Variants in GPC6 observed in about 807,000 individuals in gnomAD.
GPC6 encodes glypican-6.
In GPC6, 14 loss-of-function variants were observed where a neutral mutation model predicts 55.2. That is an observed-to-expected ratio of 0.25 (90% confidence interval 0.17 to 0.40). The LOEUF (loss-of-function observed/expected upper bound fraction) is 0.40. GPC6 is among the 10% of genes least tolerant of loss of function. The probability of loss-of-function intolerance (pLI) is 1.00; values close to 1 mark genes in which losing one functional copy is unlikely to be tolerated. For missense variants in GPC6, 641 were observed against 708.5 expected (o/e 0.90, Z 1.08); for synonymous variants, 278 against 259.6 (o/e 1.07, Z -0.68).
At chr13:94,282,931 C>T (rs1053269169) in intron 4 of GPC6, among the ~76,000 whole-genome samples, 1 of 152,184 alleles carries the variant, frequency 6.6e-6, no homozygotes, top group African/African-American at 2.4e-5. Flanking sequence ...AAAAGAGTGT[C>T]GAAGATATTG....
intron 2 of GPC6, among the ~76,000 whole-genome samples, chr13:93,676,126 AATATATATATATATATAT>A (rs764101821): frequency 0.019 from 295 of 15,576 alleles, 7 homozygotes; most frequent in African/African-American, 0.033. Flanking sequence ...AAAAAAAAAA[AATATATATATATATATAT>A]ATATATATAT....
chr13:93,898,522 C>T (rs984418693), intron 3 of GPC6, among the ~76,000 whole-genome samples: 7 of 152,188 alleles, frequency 4.6e-5, no homozygotes, highest in African/African-American at 1.7e-4. Context: ...TAGTCCTGTA[C>T]CTAAGCAGAT....
At chr13:93,433,048 ATGTT>A (rs1018146699) in intron 1 of GPC6, among the ~76,000 whole-genome samples, 10 of 152,274 alleles carry the variant, frequency 6.6e-5, no homozygotes, top group Non-Finnish European at 1.5e-4. Flanking sequence ...ACTTAGAAAA[ATGTT>A]TGTGTTTCTA....
chr13:93,634,323 G>A (rs1024242554), intron 2 of GPC6, among the ~76,000 whole-genome samples: 10 of 152,102 alleles, frequency 6.6e-5, no homozygotes, highest in African/African-American at 2.2e-4. Context: ...CCTCCTGCCT[G>A]TCCTCAACTG....
chr13:93,813,246 G>A (rs71429540), intron 2 of GPC6, among the ~76,000 whole-genome samples: 1,971 of 152,154 alleles, frequency 0.013, 23 homozygotes, highest in Non-Finnish European at 0.021. Flanking sequence ...TGAAACCCCC[G>A]TCTCTACTAA....
chr13:93,358,998 T>C (rs1880953115), intron 1 of GPC6, among the ~76,000 whole-genome samples: 1 of 151,644 alleles, frequency 6.6e-6, no homozygotes, highest in Non-Finnish European at 1.5e-5. Flanking sequence ...TGTTTTTTTT[T>C]TCACTTTTTG....
intron 2 of GPC6, among the ~76,000 whole-genome samples, chr13:93,564,539 C>T (rs936372855): frequency 6.6e-5 from 10 of 152,142 alleles, no homozygotes; most frequent in Admixed American, 1.3e-4. Flanking sequence ...ATTTACAAGA[C>T]GCTAGAAGCA....
chr13:93,254,132 G>C (rs969835564), intron 1 of GPC6, among the ~76,000 whole-genome samples: 1 of 152,094 alleles, frequency 6.6e-6, no homozygotes, highest in East Asian at 1.9e-4. Flanking sequence ...AGACTGGCTT[G>C]GGCAACATGG....
intron 4 of GPC6, among the ~76,000 whole-genome samples, chr13:94,192,360 A>T (rs750608082): frequency 1.8e-4 from 27 of 152,248 alleles, no homozygotes; most frequent in Non-Finnish European, 3.1e-4. Context: ...AGGTCTTCCT[A>T]AAAGCACCAT....
At chr13:93,544,255 C>T (rs1055043163) in intron 1 of GPC6, among the ~76,000 whole-genome samples, 3 of 152,082 alleles carry the variant, frequency 2.0e-5, no homozygotes, top group African/African-American at 7.2e-5. Context: ...TTAAACTACA[C>T]GAAGAATCAT....
chr13:93,220,592 AT>A, the GPC6 span, among the ~76,000 whole-genome samples: 1 of 152,192 alleles, frequency 6.6e-6, no homozygotes, highest in South Asian at 2.1e-4. Flanking sequence ...AAATAATGGC[AT>A]TGTCAAACGC....
chr13:93,349,928 CT>C (rs1392277947), intron 1 of GPC6, among the ~76,000 whole-genome samples: 2 of 152,134 alleles, frequency 1.3e-5, no homozygotes, highest in African/African-American at 4.8e-5. Flanking sequence ...GGGTTAAATG[CT>C]AACTGATAAA....
chr13:94,347,969 G>A lies in GPC6; in HGVS notation c.1153-34445G>A, dbSNP rs539494164. 2.6e-4 allele frequency among the ~76,000 whole-genome samples: 40 copies of A among 152,328 alleles called. No homozygotes were observed. In the South Asian group the frequency reaches 3.9e-3, roughly 15 times the overall value. On this transcript the variant is annotated intron_variant, in intron 6 of 8. Transcript: ENST00000377047. ...AGCATGCGGACAGCATCTATCTCCCGTCACTGCCCAGGTTGATCAGGTTCT... is the reference window on the plus strand; with the variant it reads ...AGCATGCGGACAGCATCTATCTCCCATCACTGCCCAGGTTGATCAGGTTCT...
chr13:93,421,131 G>T (rs768676535), intron 1 of GPC6, among the ~76,000 whole-genome samples: 4 of 152,142 alleles, frequency 2.6e-5, no homozygotes, highest in Non-Finnish European at 4.4e-5. Context: ...GAGGGAATCA[G>T]CTGCAGCCTC....
chr13:93,863,501 T>G (rs1021761682), intron 3 of GPC6, among the ~76,000 whole-genome samples: 2 of 151,732 alleles, frequency 1.3e-5, no homozygotes. Flanking sequence ...CCTTATGTTT[T>G]TTCAGACTTT....
At chr13:93,849,949 G>A (rs1392239263) in intron 3 of GPC6, among the ~76,000 whole-genome samples, 1 of 152,042 alleles carries the variant, frequency 6.6e-6, no homozygotes, top group Non-Finnish European at 1.5e-5. Context: ...TTTGTAAAGT[G>A]CTCACATTGC....
At chr13:94,270,980 T>A (rs1431072430) in intron 4 of GPC6, among the ~76,000 whole-genome samples, 2 of 108,730 alleles carry the variant, frequency 1.8e-5, no homozygotes, top group Non-Finnish European at 1.9e-5. Context: ...TTTTTTTTTT[T>A]TTTTTTTTTT....
intron 3 of GPC6, among the ~76,000 whole-genome samples, chr13:93,953,435 C>A (rs1199549182): frequency 1.3e-5 from 2 of 152,020 alleles, no homozygotes; most frequent in Admixed American, 6.6e-5. Flanking sequence ...CATTATTGTC[C>A]TGGTTCTTTG....
rs1217995004 is a variant in GPC6, at chr13:93,833,111, G to GGT, written c.711+2566_711+2567insGT. Among the ~76,000 whole-genome samples the GGT allele has an allele frequency of 2.0e-4, 6 of 29,534 alleles. No homozygotes were observed. In the African/African-American group the frequency reaches 3.5e-3, roughly 17 times the overall value. 19.4% of individuals were successfully genotyped at this position (29,534 alleles called of 152,430 possible). A position where few individuals can be genotyped will look rare whatever the true frequency, so the allele number is the denominator to read the frequency against. ...GATGGGTAGATAGGTAGATGATAGA[G>GGT]AGAGAGAGAGAGAGAGAGAGAGAGA... On this transcript the variant is annotated intron_variant, in intron 3 of 8. Transcript: ENST00000377047.
Sources: gnomAD v4.1 joint callset for allele counts (sites outside exome capture counted in the v4.1 genomes callset) on GRCh38, gnomAD v4.1.1 for gene constraint, MANE v1.5 for transcripts, NCBI Gene and HGNC (gene_info 2026-07-23, HGNC 2026-07-21) for gene names.